The following CCR9 variants were observed in gnomAD, a reference collection of about 807,000 sequenced individuals.
The protein encoded by CCR9 is C-C chemokine receptor type 9.
A neutral mutation model predicts 8.7 loss-of-function variants in CCR9; 4 were observed. The observed-to-expected ratio is 0.46, with a 90% CI of 0.23 to 1.06. The LOEUF (loss-of-function observed/expected upper bound fraction) is 1.06. CCR9 is among the 50% of genes least tolerant of loss of function. CCR9 has a pLI of 0.21. For missense variants in CCR9, 394 were observed against 453.6 expected, an observed-to-expected ratio of 0.87 and a Z score of 1.19; for synonymous variants, 159 against 168.8, an observed-to-expected ratio of 0.94 and a Z score of 0.45.
At chr3:45,894,165 A>T (rs907418775) in intron 1 of CCR9, among the ~76,000 whole-genome samples, 2 of 152,208 alleles carry the variant, frequency 1.3e-5, no homozygotes, top group Non-Finnish European at 1.5e-5. Context: ...GAAATTCAAA[A>T]CACATGAAAA....
Position 45,902,034 on chromosome 3 carries a change from T to A in CCR9, c.*136T>A. ...GATGAATCTGAACTATATGATTACT[T>A]GTAGTCAGAATTTGCCAAAGCAAAT... On this transcript the variant is annotated 3_prime_UTR_variant, in exon 3 of 3. Transcript: ENST00000357632. 1 of 763,278 alleles carries A rather than the reference T, an allele frequency of 1.3e-6. No homozygotes were observed. Among genetic ancestry groups the A allele is most frequent in the Non-Finnish European group, 2.1e-6 (1 of 483,370 alleles). The allele number at this position is 763,278 out of a possible 1,614,324, so 47.3% of individuals were successfully genotyped here.
rs17765088 is a variant in CCR9, at chr3:45,902,103, C to G, written c.*205C>G. The G allele has an allele frequency of 0.09, 47,367 of 526,028 alleles. 2,631 individuals carry two copies. The highest frequency in any genetic ancestry group is 0.11 in the Non-Finnish European group (32,687 of 294,212). The allele number at this position is 526,028 out of a possible 1,614,324, so 32.6% of individuals were successfully genotyped here. ...TAGTGCAGGAGGCTGTTGATTGGCT[C>G]TTGACTGTGATGCCCGCAATTCTCA... On this transcript the variant is annotated 3_prime_UTR_variant, in exon 3 of 3. Transcript: ENST00000357632.
At position 45,901,253 on chromosome 3, in the gene CCR9, T is replaced by C. The variant is rs1273608396; in HGVS notation, c.465T>C (p.His155=). ...CCATTGCCCAGGCCATGAGAGCACA[T>C]ACTTGGAGGGAGAAAAGGCTTTTGT... ...YIAIAQAMRA[H]TWREKRLLYS... Residue 155 remains histidine, a synonymous_variant, in exon 3 of 3, where the codon CAT becomes CAC. Transcript: ENST00000357632. The surrounding 1 kb of genome is among the most constrained non-coding windows in gnomAD (Gnocchi z 4.3). The C allele has an allele frequency of 1.2e-6, 2 of 1,614,168 alleles. No homozygotes were observed. Among genetic ancestry groups the C allele is most frequent in the Non-Finnish European group, 8.5e-7 (1 of 1,180,036 alleles).
chr3:45,891,258 T>C (rs997836895), intron 1 of CCR9, among the ~76,000 whole-genome samples: 11 of 152,238 alleles, frequency 7.2e-5, no homozygotes, highest in South Asian at 6.2e-4. Flanking sequence ...CCAGGCTTTC[T>C]TGTGTCTTAG....
Position 45,902,324 on chromosome 3 carries a change from T to C in CCR9, c.*426T>C, listed in dbSNP as rs1420635637. On this transcript the variant is annotated 3_prime_UTR_variant, in exon 3 of 3. Transcript: ENST00000357632. ...TGCTACAGACCGCAAAAGCAGAAAG[T>C]TTCGTGAAAATGTCCATCTTTGGGA... is the stretch of plus-strand genomic sequence containing the variant. 5.7e-6 allele frequency: 1 copy of C among 174,204 alleles called. No individual in the cohort carries two copies. Among genetic ancestry groups the C allele is most frequent in the African/African-American group, 2.4e-5 (1 of 41,648 alleles). The allele number at this position is 174,204 out of a possible 1,614,324, so 10.8% of individuals were successfully genotyped here. A position where few individuals can be genotyped will look rare whatever the true frequency, so the allele number is the denominator to read the frequency against.
At chr3:45,897,208 T>C (rs1294063286) in intron 2 of CCR9, among the ~76,000 whole-genome samples, 1 of 152,204 alleles carries the variant, frequency 6.6e-6, no homozygotes, top group Non-Finnish European at 1.5e-5. Context: ...ATCAGGCATG[T>C]GCAAAACTAT....
At position 45,901,933 on chromosome 3, in the gene CCR9, GA is replaced by G; in HGVS notation, c.*38del. 1.3e-6 allele frequency: 2 copies of G among 1,511,782 alleles called. No homozygotes were observed. The highest frequency in any genetic ancestry group is 2.6e-5 in the South Asian group (2 of 75,658). 93.6% of individuals were successfully genotyped at this position (1,511,782 alleles called of 1,614,324 possible). A position where few individuals can be genotyped will look rare whatever the true frequency, so the allele number is the denominator to read the frequency against. On this transcript the variant is annotated 3_prime_UTR_variant, in exon 3 of 3. Transcript: ENST00000357632. The surrounding 1 kb of genome is among the most constrained non-coding windows in gnomAD (Gnocchi z 4.3). ...TCTGAGGTGCATGGTTCTTTTGGAAGAAATGAGAAATACAGAAACAGTTTCC... is the reference window on the plus strand; with the variant it reads ...TCTGAGGTGCATGGTTCTTTTGGAAGAATGAGAAATACAGAAACAGTTTCC...
At position 45,901,589 on chromosome 3, in the gene CCR9, G is replaced by C. The variant is rs1702559920; in HGVS notation, c.801G>C (p.Gln267His). ...ITVLTVFVLSQFPYNCILLVQ... is the reference protein window; with the variant it reads ...ITVLTVFVLSHFPYNCILLVQ... ...TCCTGACCGTCTTTGTCTTGTCTCA[G>C]TTTCCCTACAACTGCATTTTGTTGG... Residue 267 changes from glutamine (Q) to histidine (H), a missense_variant, in exon 3 of 3, where the codon CAG becomes CAC. Gln to His is a conservative substitution (Grantham distance 24, BLOSUM62 0). Coordinates refer to ENST00000357632, the MANE Select transcript of CCR9 (RefSeq NM_031200.3). The surrounding 1 kb of genome is among the most constrained non-coding windows in gnomAD (Gnocchi z 4.3). 3 of 1,614,032 alleles carry C rather than the reference G, an allele frequency of 1.9e-6. No individual in the cohort carries two copies. Among genetic ancestry groups the C allele is most frequent in the South Asian group, 2.2e-5 (2 of 91,086 alleles).
intron 2 of CCR9, chr3:45,897,416 C>T: frequency 1.5e-6 from 1 of 657,490 alleles, no homozygotes; most frequent in South Asian, 1.7e-5. Flanking sequence ...AAACTATGCC[C>T]CCTGGGCTTC....
At chr3:45,890,314 T>TAA (rs1702125566) in intron 1 of CCR9, among the ~76,000 whole-genome samples, 1 of 61,888 alleles carries the variant, frequency 1.6e-5, no homozygotes, top group Non-Finnish European at 2.9e-5. Flanking sequence ...CATATATATA[T>TAA]ATTTATATAA....
At chr3:45,892,356 T>C (rs1289404587) in intron 1 of CCR9, among the ~76,000 whole-genome samples, 2 of 152,148 alleles carry the variant, frequency 1.3e-5, no homozygotes, top group Non-Finnish European at 2.9e-5. Flanking sequence ...GTGGTACATA[T>C]ACATCATGGA....
Position 45,901,628 on chromosome 3 carries a change from C to T in CCR9, c.840C>T (p.Asp280=), listed in dbSNP as rs201673015. 27 of 1,614,106 alleles carry T rather than the reference C, an allele frequency of 1.7e-5. 1 individual carries two copies. The highest frequency in any genetic ancestry group is 5.0e-5 in the Admixed American group (3 of 60,012). ...GCATTTTGTTGGTGCAGACCATTGA[C>T]GCCTATGCCATGTTCATCTCCAACT... is the stretch of plus-strand genomic sequence containing the variant. ...YNCILLVQTI[D]AYAMFISNCA... is the part of the protein sequence containing the mutation. Residue 280 remains aspartate (D), a synonymous_variant, in exon 3 of 3, where the codon GAC becomes GAT. Transcript: ENST00000357632. The surrounding 1 kb of genome is among the most constrained non-coding windows in gnomAD (Gnocchi z 4.3).
At chr3:45,898,979 A>G (rs533663002) in intron 2 of CCR9, among the ~76,000 whole-genome samples, 100 of 152,326 alleles carry the variant, frequency 6.6e-4, no homozygotes, top group African/African-American at 2.1e-3. Context: ...CAGCCTGACC[A>G]ACATGGTGAA....
intron 1 of CCR9, among the ~76,000 whole-genome samples, chr3:45,887,838 A>C (rs1702029421): frequency 6.6e-6 from 1 of 152,240 alleles, no homozygotes; most frequent in Non-Finnish European, 1.5e-5. Context: ...GATCTGATAG[A>C]TGGCTCAGAG....
In CCR9 at chr3:45,894,916, G is replaced by A. The variant is rs1171346330; in HGVS notation, c.-18G>A. 1 of 1,613,852 alleles carries A rather than the reference G, an allele frequency of 6.2e-7. No homozygotes were observed. On this transcript the variant is annotated 5_prime_UTR_variant, in exon 2 of 3. Coordinates refer to ENST00000357632, the MANE Select transcript of CCR9 (RefSeq NM_031200.3). ...TTGTCCCTTTTCCAGGAGCAGGCTT[G>A]CATCTGACTGACCCACCATGACACC...
intron 1 of CCR9, among the ~76,000 whole-genome samples, chr3:45,888,220 T>G (rs968737931): frequency 1.3e-5 from 2 of 152,212 alleles, no homozygotes; most frequent in Non-Finnish European, 2.9e-5. Flanking sequence ...TTTCTGACTT[T>G]CATGCCTTAG....
Position 45,901,040 on chromosome 3 carries a change from C to CA in CCR9, c.253dup (p.Met85AsnfsTer10). The CA allele has an allele frequency of 6.2e-7, 1 of 1,614,214 alleles. No individual in the cohort carries two copies. The highest frequency in any genetic ancestry group is 1.1e-5 in the South Asian group (1 of 91,086). ...GCACAAGAGTGAAGACCATGACCGA[C>CA]ATGTTCCTTTTGAATTTGGCAATTG... On this transcript the variant is annotated frameshift_variant, in exon 3 of 3. Coordinates refer to ENST00000357632, the MANE Select transcript of CCR9 (RefSeq NM_031200.3). LOFTEE classifies it low-confidence loss of function (END_TRUNC). The surrounding 1 kb of genome is among the most constrained non-coding windows in gnomAD (Gnocchi z 4.3).
At chr3:45,899,804 G>A (rs538948767) in intron 2 of CCR9, among the ~76,000 whole-genome samples, 1 of 152,250 alleles carries the variant, frequency 6.6e-6, no homozygotes, top group East Asian at 1.9e-4. Context: ...CCCACCCCAG[G>A]TTTGACTCAA....
At chr3:45,899,352 T>A (rs1702471934) in intron 2 of CCR9, among the ~76,000 whole-genome samples, 1 of 152,238 alleles carries the variant, frequency 6.6e-6, no homozygotes, top group African/African-American at 2.4e-5. Context: ...AGATGGATAT[T>A]ACAATGTATA....
Sources: gnomAD v4.1 joint callset for allele counts (sites outside exome capture counted in the v4.1 genomes callset) on GRCh38, gnomAD v4.1.1 for gene constraint, Gnocchi (gnomAD v3.1) non-coding constraint, MANE v1.5 for transcripts, NCBI Gene and HGNC (gene_info 2026-07-23, HGNC 2026-07-21) for gene names.